SAP130: variants seen among roughly 807,000 people sequenced by gnomAD.
The protein encoded by SAP130 is Sin3A associated protein 130.
A neutral mutation model predicts 103.2 loss-of-function variants in SAP130; 16 were observed. The ratio of observed to expected loss-of-function variants is 0.16; its 90% CI spans 0.10 to 0.24. SAP130 has a LOEUF of 0.24. SAP130 is among the 10% of genes least tolerant of loss of function. The pLI is 1.00. For synonymous variants in SAP130, 477 were observed against 497.0 expected (o/e 0.96, Z 0.53); for missense variants, 990 against 1,359.7 (o/e 0.73, Z 4.28).
intron 7 of SAP130, among the ~76,000 whole-genome samples, chr2:128,004,061 G>C (rs1050133302): frequency 7.0e-6 from 1 of 143,526 alleles, no homozygotes; most frequent in African/African-American, 2.6e-5. Context: ...GAAAATACAG[G>C]GGTTAAATGA....
At chr2:127,997,146 A>G (rs1207841920) in intron 10 of SAP130, among the ~76,000 whole-genome samples, 4 of 152,216 alleles carry the variant, frequency 2.6e-5, no homozygotes, top group Non-Finnish European at 4.4e-5. Context: ...AATACTTTAG[A>G]GCAAAATTAA....
At chr2:128,024,545 C>G (rs1245929627) in intron 2 of SAP130, among the ~76,000 whole-genome samples, 1 of 151,854 alleles carries the variant, frequency 6.6e-6, no homozygotes, top group East Asian at 1.9e-4. Flanking sequence ...GAGATCCCCT[C>G]TTTACAAAAA....
chr2:128,000,270 A>G, intron 8 of SAP130, 37 bp downstream of exon 8: 1 of 1,613,528 alleles, frequency 6.2e-7, no homozygotes, highest in Non-Finnish European at 8.5e-7. Context: ...GTTTTACCCA[A>G]CAAAGTACAC....
intron 15 of SAP130, among the ~76,000 whole-genome samples, chr2:127,969,502 A>C (rs942912638): frequency 1.3e-5 from 2 of 152,202 alleles, no homozygotes; most frequent in African/African-American, 2.4e-5. Context: ...TGCAATCTGG[A>C]AACAGGTGAG....
chr2:128,009,964 G>T (rs1317294347), intron 7 of SAP130, among the ~76,000 whole-genome samples: 1 of 152,048 alleles, frequency 6.6e-6, no homozygotes, highest in Non-Finnish European at 1.5e-5. Context: ...ACATGAAACT[G>T]TAAGTCCCCT....
chr2:128,011,647 C>T (rs995562906), intron 6 of SAP130, among the ~76,000 whole-genome samples: 2 of 152,100 alleles, frequency 1.3e-5, no homozygotes, highest in Admixed American at 6.6e-5. Context: ...GTTTTCTTGG[C>T]CAGAAAAGTA....
At chr2:128,005,620 A>AG (rs1189944941) in intron 7 of SAP130, among the ~76,000 whole-genome samples, 1 of 151,966 alleles carries the variant, frequency 6.6e-6, no homozygotes, top group Non-Finnish European at 1.5e-5. Flanking sequence ...AGAAAAAAAA[A>AG]CAAACAAACT....
chr2:127,947,458 T>C (rs951623531), intron 18 of SAP130, among the ~76,000 whole-genome samples: 2 of 152,226 alleles, frequency 1.3e-5, no homozygotes, highest in African/African-American at 4.8e-5. Flanking sequence ...CATTTTTACA[T>C]CTATATTCAT....
intron 13 of SAP130, among the ~76,000 whole-genome samples, chr2:127,987,886 T>G (rs569237588): frequency 5.9e-5 from 9 of 152,308 alleles, no homozygotes; most frequent in African/African-American, 1.9e-4. Context: ...CTGGTGAGCA[T>G]GAGATCATAA....
chr2:128,016,643 T>C (rs1233846284), intron 3 of SAP130, 96 bp from the exon 4 acceptor site: 3 of 1,381,406 alleles, frequency 2.2e-6, no homozygotes, highest in Non-Finnish European at 2.9e-6. Context: ...ACCTGGAAAG[T>C]GCCAGGAAAG....
At chr2:128,017,531 T>C in intron 3 of SAP130, 149 bp downstream of exon 3, 7 of 673,990 alleles carry the variant, frequency 1.0e-5, no homozygotes, top group Non-Finnish European at 1.7e-5. Flanking sequence ...AAATCAGGGC[T>C]GAGTTACAGA....
intron 7 of SAP130, among the ~76,000 whole-genome samples, chr2:128,004,728 G>A (rs1198420084): frequency 6.6e-6 from 1 of 152,290 alleles, no homozygotes; most frequent in Non-Finnish European, 1.5e-5. Flanking sequence ...GATAAGCCCC[G>A]TCTGTGGGGA....
Position 127,986,901 on chromosome 2 carries a change from A to G in SAP130, c.1842T>C (p.Ala614=), listed in dbSNP as rs772113827. 1.9e-6 allele frequency: 3 copies of G among 1,614,120 alleles called. No individual in the cohort carries two copies. In the South Asian group the frequency reaches 3.3e-5, roughly 18 times the overall value. ...GCACCACGGTTGTTGCTGCTGGAGC[A>G]GCACTGAATGGATTGCTAATAGGGT... is the stretch of plus-strand genomic sequence containing the variant. ...VANPISNPFS[A]APAATTVVQT... The change falls in exon 14 of 21, where the codon GCT becomes GCC. Residue 614 remains alanine (A), a synonymous_variant. Transcript: ENST00000643581. This position sits in a 1 kb window ranked among gnomAD's most constrained non-coding sequence, Gnocchi z 4.7.
At chr2:127,961,524 T>C (rs1680246643) in intron 15 of SAP130, among the ~76,000 whole-genome samples, 1 of 151,876 alleles carries the variant, frequency 6.6e-6, no homozygotes, top group African/African-American at 2.4e-5. Context: ...TTGCTTTTTT[T>C]TTTTTTTTTG....
chr2:127,979,675 T>C (rs948054593), intron 14 of SAP130, among the ~76,000 whole-genome samples: 2 of 152,172 alleles, frequency 1.3e-5, no homozygotes, highest in African/African-American at 4.8e-5. Flanking sequence ...TAAGGGGTTA[T>C]TGGTTTTTTA....
chr2:127,941,757 TC>T lies in SAP130; in HGVS notation c.*248del, dbSNP rs1678726763. ...CTTCCAACTGGTGGACACTGATGCA[TC>T]CGGAGTCACTTATGACACAGATCAG... On this transcript the variant is annotated 3_prime_UTR_variant, in exon 21 of 21. Coordinates refer to ENST00000643581, the MANE Select transcript of SAP130 (RefSeq NM_001330301.2). The T allele has an allele frequency of 2.1e-6, 1 of 482,430 alleles. No individual in the cohort carries two copies. The highest frequency in any genetic ancestry group is 3.6e-6 in the Non-Finnish European group (1 of 276,222). The allele number at this position is 482,430 out of a possible 1,614,324, so 29.9% of individuals were successfully genotyped here.
At chr2:128,014,216 T>A (rs1339261443) in intron 5 of SAP130, among the ~76,000 whole-genome samples, 1 of 147,472 alleles carries the variant, frequency 6.8e-6, no homozygotes, top group African/African-American at 2.6e-5. Context: ...TTATTTCTAC[T>A]GTCTTGCGAT....
intron 13 of SAP130, among the ~76,000 whole-genome samples, chr2:127,988,969 C>A (rs1039476490): frequency 6.6e-6 from 1 of 152,140 alleles, no homozygotes; most frequent in Admixed American, 6.5e-5. Context: ...GCTTTATGTA[C>A]AACTCTGAAG....
intron 18 of SAP130, among the ~76,000 whole-genome samples, chr2:127,949,542 G>A (rs924113875): frequency 5.3e-5 from 8 of 152,174 alleles, no homozygotes; most frequent in African/African-American, 1.9e-4. Flanking sequence ...ACCCAGTACA[G>A]CTCTTCCACA....
Sources: allele counts gnomAD v4.1 joint callset (sites outside exome capture counted in the v4.1 genomes callset), GRCh38; gene constraint gnomAD v4.1.1; non-coding constraint Gnocchi (gnomAD v3.1); transcripts MANE v1.5; gene names NCBI Gene and HGNC (gene_info 2026-07-23, HGNC 2026-07-21).